Variants in LETM1 observed in about 807,000 individuals in gnomAD.
The protein encoded by LETM1 is mitochondrial proton/calcium exchanger protein.
In LETM1, 50 loss-of-function variants were observed where a neutral mutation model predicts 74.5. That is an observed-to-expected ratio of 0.67 (90% CI 0.53 to 0.85). The LOEUF (loss-of-function observed/expected upper bound fraction) is 0.85. Among genes scored for constraint, LETM1 ranks in the 40% least tolerant of loss-of-function variants. The pLI is 0.00. For synonymous variants in LETM1, 446 were observed against 407.1 expected (o/e 1.10, Z -1.15); for missense variants, 824 against 967.8 (o/e 0.85, Z 1.97).
intron 9 of LETM1, 62 bp from the exon 10 acceptor site, chr4:1,822,374 C>T (rs1711813067): frequency 1.4e-6 from 2 of 1,380,306 alleles, no homozygotes; most frequent in Admixed American, 2.8e-5. Flanking sequence ...CTTCTTGCTC[C>T]CCGAAGCTCA....
chr4:1,828,244 C>T (rs1276542147), intron 6 of LETM1, among the ~76,000 whole-genome samples: 2 of 139,004 alleles, frequency 1.4e-5, no homozygotes, highest in East Asian at 4.4e-4. Flanking sequence ...CCCCCACCTC[C>T]CTCCCGGACG....
intron 3 of LETM1, among the ~76,000 whole-genome samples, chr4:1,837,183 A>G (rs1712487346): frequency 6.6e-6 from 1 of 152,180 alleles, no homozygotes; most frequent in Non-Finnish European, 1.5e-5. Context: ...TGCTGCTCAC[A>G]GGGGTCCCTT....
Position 1,844,078 on chromosome 4 carries a change from G to A in LETM1, c.144-2281C>T, listed in dbSNP as rs547717090. Reference sequence around the variant, plus strand: ...AAGAAGGCATGATGCCAGCAGTCACGGGGTGTCGACAGGCAAAGACGAAGA... The same window carrying A: ...AAGAAGGCATGATGCCAGCAGTCACAGGGTGTCGACAGGCAAAGACGAAGA... On this transcript the variant is annotated intron_variant, in intron 2 of 13. Transcript: ENST00000302787. Among the ~76,000 whole-genome samples the A allele has an allele frequency of 2.0e-3, 309 of 152,296 alleles. 1 individual carries two copies. The highest frequency in any genetic ancestry group is 7.1e-3 in the African/African-American group (296 of 41,554).
chr4:1,834,913 C>T lies in LETM1; in HGVS notation c.808G>A (p.Glu270Lys). 25 of 1,614,212 alleles carry T rather than the reference C, an allele frequency of 1.5e-5. No individual in the cohort carries two copies. The highest frequency in any genetic ancestry group is 2.0e-5 in the Non-Finnish European group (24 of 1,180,028). ...LAKFLQDTIE[E>K]MALKNKAAKG... ...GCTGCCTTGTTCTTCAAGGCCATCT[C>T]CTCGATGGTGTCCTGGAGGAACTTG... The change falls in exon 5 of 14, where the codon GAG becomes AAG. Residue 270 changes from glutamate to lysine, a missense_variant. By Grantham distance (56) the Glu-to-Lys change is moderately conservative. Coordinates refer to ENST00000302787, the MANE Select transcript of LETM1 (RefSeq NM_012318.3). This position sits in a 1 kb window ranked among gnomAD's most constrained non-coding sequence, Gnocchi z 5.0.
At chr4:1,840,725 C>T (rs906830524) in intron 3 of LETM1, among the ~76,000 whole-genome samples, 27 of 151,200 alleles carry the variant, frequency 1.8e-4, no homozygotes, top group African/African-American at 6.1e-4. Context: ...AAAAACGAAG[C>T]GGGGGTGGTG....
Position 1,825,082 on chromosome 4 carries a change from T to C in LETM1, c.1200+482A>G, listed in dbSNP as rs137872016. Reference sequence around the variant, plus strand: ...AAGAGTGAGTGGCTGGGGCTGTCACTTTCCGACCTACAAGCCACTCAATTT... The same window carrying C: ...AAGAGTGAGTGGCTGGGGCTGTCACCTTCCGACCTACAAGCCACTCAATTT... On this transcript the variant is annotated intron_variant, in intron 7 of 13. Transcript: ENST00000302787. Among the ~76,000 whole-genome samples the C allele has an allele frequency of 5.6e-3, 849 of 152,304 alleles. 5 individuals carry two copies. The highest frequency in any genetic ancestry group is 8.1e-3 in the Non-Finnish European group (553 of 68,034).
chr4:1,851,233 C>A (rs371786618), intron 1 of LETM1, among the ~76,000 whole-genome samples: 1 of 152,164 alleles, frequency 6.6e-6, no homozygotes, highest in African/African-American at 2.4e-5. Flanking sequence ...TAGGCGGTGC[C>A]GGGAGCCAGC....
chr4:1,811,611 C>T lies in LETM1; in HGVS notation c.*2813G>A, dbSNP rs1399744271. 1.3e-5 allele frequency: 2 copies of T among 152,386 alleles called. No homozygotes were observed. The highest frequency in any genetic ancestry group is 2.9e-5 in the Non-Finnish European group (2 of 68,100). The allele number at this position is 152,386 out of a possible 1,614,324, so 9.4% of individuals were successfully genotyped here. ...AGGATTTACAAAGACAGAGCCGGCT[C>T]ACCAGCACACTCCTGCCAGCACCGG... On this transcript the variant is annotated 3_prime_UTR_variant, in exon 14 of 14. Coordinates refer to ENST00000302787, the MANE Select transcript of LETM1 (RefSeq NM_012318.3).
chr4:1,824,304 G>C (rs1326229291), intron 7 of LETM1, among the ~76,000 whole-genome samples: 2 of 152,190 alleles, frequency 1.3e-5, no homozygotes, highest in African/African-American at 4.8e-5. Context: ...CTGTGTGACA[G>C]AGCAAGACTC....
chr4:1,822,274 T>C lies in LETM1; in HGVS notation c.1515A>G (p.Gln505=), dbSNP rs1194382246. ...CTGGCTGTGGCTCGGTCCCCGGCCT[T>C]TGGGGAGCAGCTACCACACGTTCGG... The part of the protein sequence containing the change: ...FEPERVVAAP[Q]RPGTEPQPEM... The change falls in exon 10 of 14, where the codon CAA becomes CAG. Residue 505 remains glutamine (Q), a synonymous_variant. Coordinates refer to ENST00000302787, the MANE Select transcript of LETM1 (RefSeq NM_012318.3). 6.5e-7 allele frequency: 1 copy of C among 1,540,928 alleles called. No individual in the cohort carries two copies. The highest frequency in any genetic ancestry group is 8.8e-7 in the Non-Finnish European group (1 of 1,136,430).
In LETM1 at chr4:1,847,870, G is replaced by A. The variant is rs374525104; in HGVS notation, c.143+1279C>T. On this transcript the variant is annotated intron_variant, in intron 2 of 13. Transcript: ENST00000302787. ...AAAATTAGCTGGGTGTGGTGTGCGC[G>A]CCTGTAATCCCAGCTACTTGGGAGG... Among the ~76,000 whole-genome samples the A allele has an allele frequency of 8.0e-5, 12 of 149,238 alleles. 1 individual carries two copies. The highest frequency in any genetic ancestry group is 2.7e-4 in the African/African-American group (11 of 40,516).
In LETM1 at chr4:1,852,394, A is replaced by G. The variant is rs1713098744; in HGVS notation, c.83-3185T>C. Among the ~76,000 whole-genome samples the G allele has an allele frequency of 2.0e-5, 3 of 152,154 alleles. No individual in the cohort carries two copies. In the South Asian group the frequency reaches 6.2e-4, roughly 32 times the overall value. On this transcript the variant is annotated intron_variant, in intron 1 of 13. Coordinates refer to ENST00000302787, the MANE Select transcript of LETM1 (RefSeq NM_012318.3). ...TGTCCTGTGGAGCTAGGTGGACGCCAGTGGGAAGCCTCACCAGCCTCCTCA... is the reference window on the plus strand; with the variant it reads ...TGTCCTGTGGAGCTAGGTGGACGCCGGTGGGAAGCCTCACCAGCCTCCTCA...
Position 1,836,123 on chromosome 4 carries a change from A to G in LETM1, c.738+306T>C, listed in dbSNP as rs1176834892. ...CAGCTACTTGGGAGGCTGAGGCAGG[A>G]GATTCGCTTGAACCCGGGAGGCAGA... On this transcript the variant is annotated intron_variant, in intron 4 of 13. Coordinates refer to ENST00000302787, the MANE Select transcript of LETM1 (RefSeq NM_012318.3). The surrounding 1 kb of genome is among the most constrained non-coding windows in gnomAD (Gnocchi z 5.8). Among the ~76,000 whole-genome samples, 2 of 151,486 alleles carry G rather than the reference A, an allele frequency of 1.3e-5. No homozygotes were observed. The highest frequency in any genetic ancestry group is 1.5e-5 in the Non-Finnish European group (1 of 67,850).
Position 1,814,392 on chromosome 4 carries a change from C to T in LETM1, c.*32G>A, listed in dbSNP as rs1476916043. 8.1e-6 allele frequency: 13 copies of T among 1,613,932 alleles called. No individual in the cohort carries two copies. The highest frequency in any genetic ancestry group is 1.1e-5 in the Non-Finnish European group (13 of 1,179,752). On this transcript the variant is annotated 3_prime_UTR_variant, in exon 14 of 14. Transcript: ENST00000302787. ...CACGGCCCTTGCCAGGGTGACGGCA[C>T]AGCAGGAGGACAGGTGCCCAGGCCA...
intron 6 of LETM1, among the ~76,000 whole-genome samples, chr4:1,831,228 CTCACA>C (rs776756871): frequency 6.6e-6 from 1 of 152,254 alleles, no homozygotes; most frequent in Non-Finnish European, 1.5e-5. Context: ...TTGTCACTCA[CTCACA>C]TCCATAAGCT....
chr4:1,824,126 C>G (rs1458294744), intron 7 of LETM1, among the ~76,000 whole-genome samples: 1 of 152,142 alleles, frequency 6.6e-6, no homozygotes, highest in Non-Finnish European at 1.5e-5. Context: ...AGTTCGAGAC[C>G]AGCCTGGCCA....
chr4:1,827,639 G>C (rs375584089), intron 6 of LETM1, among the ~76,000 whole-genome samples: 1 of 135,876 alleles, frequency 7.4e-6, no homozygotes, highest in African/African-American at 2.9e-5. Context: ...CCAAGGCAGA[G>C]GAATTTTTCT....
intron 2 of LETM1, 143 bp downstream of exon 2, chr4:1,849,006 A>G (rs1426617966): frequency 4.6e-6 from 3 of 648,326 alleles, no homozygotes; most frequent in Admixed American, 5.1e-5. Flanking sequence ...TTCAAAATGG[A>G]AAGATAAAGG....
chr4:1,814,467 G>GCCTTCTCCTTCTCCTCCA lies in LETM1; in HGVS notation c.2159_2176dup (p.Val720_Lys725dup). The GCCTTCTCCTTCTCCTCCA allele has an allele frequency of 6.2e-7, 1 of 1,614,084 alleles. No homozygotes were observed. Among genetic ancestry groups the GCCTTCTCCTTCTCCTCCA allele is most frequent in the Non-Finnish European group, 8.5e-7 (1 of 1,179,932 alleles). Reference sequence around the variant, plus strand: ...GACCTCCTTCTCTGCCTTCTCTTTGGCCTTCTCCTTCTCCTCCACCTTCTC... The same window carrying GCCTTCTCCTTCTCCTCCA: ...GACCTCCTTCTCTGCCTTCTCTTTGGCCTTCTCCTTCTCCTCCACCTTCTCCTTCTCCTCCACCTTCTC... On this transcript the variant is annotated inframe_insertion, in exon 14 of 14. Transcript: ENST00000302787.
Sources: gnomAD v4.1 joint callset for allele counts (sites outside exome capture counted in the v4.1 genomes callset) on GRCh38, gnomAD v4.1.1 for gene constraint, Gnocchi (gnomAD v3.1) non-coding constraint, MANE v1.5 for transcripts, NCBI Gene and HGNC (gene_info 2026-07-23, HGNC 2026-07-21) for gene names.